MYH9: variants seen among roughly 807,000 people sequenced by gnomAD.
MYH9 encodes the protein myosin heavy chain 9.
MYH9 carries 29 observed loss-of-function variants against 241.9 expected under a neutral mutation model. The observed-to-expected ratio is 0.12, with a 90% CI of 0.09 to 0.16. The LOEUF is 0.16. Among genes scored for constraint, MYH9 ranks in the 10% least tolerant of loss-of-function variants. The pLI is 1.00. For missense variants in MYH9, 1,803 were observed against 2,595.5 expected, an observed-to-expected ratio of 0.69 and a Z score of 6.63; for synonymous variants, 1,047 against 1,062.6, an observed-to-expected ratio of 0.99 and a Z score of 0.29.
chr22:36,366,756 G>A (rs552801130), intron 1 of MYH9, among the ~76,000 whole-genome samples: 1 of 152,222 alleles, frequency 6.6e-6, no homozygotes, highest in Admixed American at 6.5e-5. Context: ...CAGAAGTGAC[G>A]GTGTTCTAAA....
intron 3 of MYH9, among the ~76,000 whole-genome samples, chr22:36,334,812 G>A (rs915945960): frequency 6.6e-6 from 1 of 152,208 alleles, no homozygotes; most frequent in Non-Finnish European, 1.5e-5. Flanking sequence ...GCCCTGCCCA[G>A]GAGTGTCATG....
intron 3 of MYH9, among the ~76,000 whole-genome samples, chr22:36,333,168 A>C (rs1603483706): frequency 6.6e-6 from 1 of 152,362 alleles, no homozygotes; most frequent in East Asian, 1.9e-4. Context: ...GTTGGAGCAC[A>C]AACAGGCCTG....
At chr22:36,376,982 G>C (rs529787905) in intron 1 of MYH9, among the ~76,000 whole-genome samples, 1 of 151,946 alleles carries the variant, frequency 6.6e-6, no homozygotes, top group African/African-American at 2.4e-5. Context: ...TGAATCGCTT[G>C]AACCCGGGAG....
intron 1 of MYH9, among the ~76,000 whole-genome samples, chr22:36,387,249 G>A (rs745613430): frequency 6.6e-6 from 1 of 152,220 alleles, no homozygotes; most frequent in Non-Finnish European, 1.5e-5. Context: ...CCGGGTGCAA[G>A]GTCTGCAGCG....
intron 19 of MYH9, 80 bp downstream of exon 19, chr22:36,303,912 GGGT>G: frequency 6.5e-7 from 1 of 1,528,058 alleles, no homozygotes. Context: ...GGCTGCAGCG[GGGT>G]GGCCTGCTAA....
chr22:36,370,614 A>C (rs975430805), intron 1 of MYH9, among the ~76,000 whole-genome samples: 2 of 152,242 alleles, frequency 1.3e-5, no homozygotes, highest in African/African-American at 4.8e-5. Context: ...GTCCTGCACC[A>C]GCTTTCTACA....
In MYH9 at chr22:36,325,781, T is replaced by A. The variant is rs145624856; in HGVS notation, c.612+787A>T. Among the ~76,000 whole-genome samples the A allele has an allele frequency of 2.6e-4, 39 of 152,206 alleles. No individual in the cohort carries two copies. The East Asian group carries it at 7.5e-3, about 29-fold the overall frequency. On this transcript the variant is annotated intron_variant, in intron 5 of 40. Transcript: ENST00000216181. ...ACTGGAGTTTCTGAGAACAACTAGG[T>A]GTGAGGCCCGTCCCCATTCTGCAGG...
intron 2 of MYH9, among the ~76,000 whole-genome samples, chr22:36,344,225 G>A (rs887467454): frequency 3.0e-4 from 45 of 152,260 alleles, no homozygotes; most frequent in Admixed American, 1.4e-3. Context: ...TCGCGCCCAC[G>A]CGGCGCGGCC....
rs1177354745 is a variant in MYH9 at position 36,284,485 on chromosome 22, A to C, written c.5510T>G (p.Val1837Gly). 14 of 1,612,886 alleles carry C rather than the reference A, an allele frequency of 8.7e-6. No individual in the cohort carries two copies. The highest frequency in any genetic ancestry group is 1.2e-5 in the Non-Finnish European group (14 of 1,180,010). The change falls in exon 39 of 41, where the codon GTG (valine) becomes GGG (glycine). Residue 1837 changes from valine (V) to glycine (G), a missense_variant. This residue lies in a region of MYH9 where 876 missense variants were observed against 1,077.8 expected (regional missense o/e 0.81). Coordinates refer to ENST00000216181, the MANE Select transcript of MYH9 (RefSeq NM_002473.6). The part of the protein sequence containing the change: ...TKERQAACKQ[V>G]RRTEKKLKDV... ...CTTCAGCTTCTTCTCGGTCCGACGC[A>C]CCTGTTTGCAGGCTGCCTGGCGCTC...
chr22:36,348,608 A>C (rs1398380520), intron 2 of MYH9, among the ~76,000 whole-genome samples: 1 of 152,168 alleles, frequency 6.6e-6, no homozygotes, highest in African/African-American at 2.4e-5. Flanking sequence ...CTTGAGAACG[A>C]AGGCCAGTGG....
intron 1 of MYH9, among the ~76,000 whole-genome samples, chr22:36,366,791 A>G (rs2018017440): frequency 1.3e-5 from 2 of 152,140 alleles, no homozygotes; most frequent in Admixed American, 1.3e-4. Context: ...AAGGATCATC[A>G]GGGAGGGGAA....
At chr22:36,372,442 T>C (rs954247856) in intron 1 of MYH9, among the ~76,000 whole-genome samples, 1 of 150,866 alleles carries the variant, frequency 6.6e-6, no homozygotes, top group Non-Finnish European at 1.5e-5. Context: ...TAAGCTATGA[T>C]TGTGCCACTG....
At chr22:36,328,909 G>A (rs1032211580) in intron 3 of MYH9, 3 of 152,348 alleles carry the variant, frequency 2.0e-5, no homozygotes, top group Non-Finnish European at 2.9e-5. Context: ...TTCAACACCA[G>A]TAGCCACCGA....
In MYH9 at chr22:36,292,760, G is replaced by C. The variant is rs74891560; in HGVS notation, c.4096-526C>G. Among the ~76,000 whole-genome samples, 350 of 152,328 alleles carry C rather than the reference G, an allele frequency of 2.3e-3. 2 individuals are homozygous for C. Among genetic ancestry groups the C allele is most frequent in the African/African-American group, 7.9e-3 (329 of 41,574 alleles). ...GGGCTCTGAAACCATATTAGGCTAC[G>C]GACCCCTTCGCAGTCTAGAGAGGCC... On this transcript the variant is annotated intron_variant, in intron 30 of 40. Coordinates refer to ENST00000216181, the MANE Select transcript of MYH9 (RefSeq NM_002473.6).
intron 11 of MYH9, 107 bp from the exon 12 acceptor site, chr22:36,316,776 A>G: frequency 7.7e-7 from 1 of 1,306,842 alleles, no homozygotes; most frequent in Non-Finnish European, 1.1e-6. Context: ...CTAGAGGAAC[A>G]GCCCTAAGTA....
intron 15 of MYH9, among the ~76,000 whole-genome samples, chr22:36,308,104 G>A (rs2017001200): frequency 3.3e-5 from 5 of 152,050 alleles, no homozygotes; most frequent in Admixed American, 2.6e-4. Context: ...ACTGTTGAAT[G>A]AACACACAGA....
At chr22:36,367,600 A>G (rs1050403388) in intron 1 of MYH9, among the ~76,000 whole-genome samples, 8 of 152,182 alleles carry the variant, frequency 5.3e-5, no homozygotes, top group African/African-American at 1.9e-4. Context: ...CCTTGTCTGA[A>G]AGGCTGGCCA....
intron 6 of MYH9, among the ~76,000 whole-genome samples, 160 bp downstream of exon 6, chr22:36,322,269 C>T (rs889456245): frequency 6.6e-6 from 1 of 152,240 alleles, no homozygotes; most frequent in African/African-American, 2.4e-5. Context: ...TCCACACCAA[C>T]TGGCATTCGG....
Position 36,285,183 on chromosome 22 carries a change from G to A in MYH9, c.5421C>T (p.Ala1807=), listed in dbSNP as rs2016558779. 1 of 1,614,144 alleles carries A rather than the reference G, an allele frequency of 6.2e-7. No individual in the cohort carries two copies. The highest frequency in any genetic ancestry group is 8.5e-7 in the Non-Finnish European group (1 of 1,180,026). ...MEGTVKSKYK[A]SITALEAKIA... The stretch of plus-strand genomic sequence containing the variant: ...TCTTGGCCTCGAGGGCGGTGATGGA[G>A]GCCTTGTACTTGGACTTGACAGTGC... Residue 1807 remains alanine, a synonymous_variant, in exon 38 of 41, where the codon GCC becomes GCT. Transcript: ENST00000216181. The surrounding 1 kb of genome is among the most constrained non-coding windows in gnomAD (Gnocchi z 7.0).
Sources: allele counts gnomAD v4.1 joint callset (sites outside exome capture counted in the v4.1 genomes callset), GRCh38; gene constraint gnomAD v4.1.1; regional missense constraint gnomAD v4.1.1; non-coding constraint Gnocchi (gnomAD v3.1); transcripts MANE v1.5; gene names NCBI Gene and HGNC (gene_info 2026-07-23, HGNC 2026-07-21).